The following SCTR variants were observed in gnomAD, a reference collection of about 807,000 sequenced individuals.
SCTR encodes the protein pancreatic secretin receptor.
A neutral mutation model predicts 60.8 loss-of-function variants in SCTR; 56 were observed. That is an observed-to-expected ratio of 0.92 (90% confidence interval 0.74 to 1.15). The LOEUF is 1.15. Among genes scored for constraint, SCTR ranks in the 50% most tolerant of loss-of-function variants. The pLI, the probability that SCTR is intolerant of heterozygous loss-of-function variation, is 0.00. For synonymous variants in SCTR, 202 were observed against 217.0 expected (o/e 0.93, Z 0.61); for missense variants, 562 against 550.4 (o/e 1.02, Z -0.21).
At chr2:119,506,828 T>C (rs1678755524) in intron 1 of SCTR, among the ~76,000 whole-genome samples, 1 of 152,116 alleles carries the variant, frequency 6.6e-6, no homozygotes. Context: ...GAGATGCGTG[T>C]TGTCAGGAGT....
chr2:119,521,019 A>T (rs1451271246), intron 1 of SCTR, among the ~76,000 whole-genome samples: 1 of 152,198 alleles, frequency 6.6e-6, no homozygotes, highest in East Asian at 1.9e-4. Flanking sequence ...ATGGGCTTCT[A>T]GAGGGCAGAG....
At position 119,439,859 on chromosome 2, in the gene SCTR, G is replaced by A; in HGVS notation, c.*258C>T. ...AAATATAGATTGAATCTCATCCCAG[G>A]CACCATTTATTTCCCTGTCCCTTTC... On this transcript the variant is annotated 3_prime_UTR_variant, in exon 13 of 13. Transcript: ENST00000019103. 1 of 466,370 alleles carries A rather than the reference G, an allele frequency of 2.1e-6. No homozygotes were observed. Among genetic ancestry groups the A allele is most frequent in the Admixed American group, 3.7e-5 (1 of 27,182 alleles). 28.9% of individuals were successfully genotyped at this position (466,370 alleles called of 1,614,324 possible).
At chr2:119,498,231 A>G (rs1678420647) in intron 1 of SCTR, among the ~76,000 whole-genome samples, 1 of 152,208 alleles carries the variant, frequency 6.6e-6, no homozygotes, top group Non-Finnish European at 1.5e-5. Context: ...TAAAGTGCTG[A>G]AAGAAAAGTA....
chr2:119,516,746 G>T (rs1312711898), intron 1 of SCTR, among the ~76,000 whole-genome samples: 1 of 152,120 alleles, frequency 6.6e-6, no homozygotes, highest in Non-Finnish European at 1.5e-5. Flanking sequence ...GATCACCTGA[G>T]GTCGGAAGTT....
intron 6 of SCTR, among the ~76,000 whole-genome samples, chr2:119,462,776 G>A (rs1683667420): frequency 6.6e-6 from 1 of 152,240 alleles, no homozygotes; most frequent in Non-Finnish European, 1.5e-5. Flanking sequence ...CCGAGAAGGA[G>A]GAGCGCCCGG....
rs939109374 is a variant in SCTR, at chr2:119,452,104, G to T, written c.852-25C>A. 1.9e-5 allele frequency: 28 copies of T among 1,495,404 alleles called. 1 individual carries two copies. Among genetic ancestry groups the T allele is most frequent in the Non-Finnish European group, 2.5e-5 (27 of 1,078,462 alleles). The allele number at this position is 1,495,404 out of a possible 1,614,324, so 92.6% of individuals were successfully genotyped here. On this transcript the variant is annotated intron_variant, in intron 8 of 12. Transcript: ENST00000019103. The stretch of plus-strand genomic sequence containing the variant: ...CCTAAGGGAGGGACAGCTGGGCATG[G>T]TTATGAGCAGGAGCTGTGGGAGCTG...
At chr2:119,518,625 T>A (rs547345673) in intron 1 of SCTR, among the ~76,000 whole-genome samples, 1 of 152,162 alleles carries the variant, frequency 6.6e-6, no homozygotes, top group Non-Finnish European at 1.5e-5. Context: ...CTGTTTGTAA[T>A]GTAAGCAAGT....
chr2:119,521,401 G>A (rs185837555), intron 1 of SCTR, among the ~76,000 whole-genome samples: 2 of 152,322 alleles, frequency 1.3e-5, no homozygotes, highest in African/African-American at 4.8e-5. Flanking sequence ...CTCTAGGGAT[G>A]AAAGATGAAC....
chr2:119,461,518 T>G (rs932668400), intron 7 of SCTR, among the ~76,000 whole-genome samples: 2 of 151,964 alleles, frequency 1.3e-5, no homozygotes, highest in African/African-American at 4.8e-5. Flanking sequence ...TCAAAACTAG[T>G]CTGACCAACA....
At chr2:119,444,918 C>T (rs58122771) in intron 11 of SCTR, among the ~76,000 whole-genome samples, 1 of 2,106 alleles carries the variant, frequency 4.7e-4, no homozygotes, top group Non-Finnish European at 7.8e-4. Context: ...TATATTCGTA[C>T]GAATATACAC....
intron 1 of SCTR, among the ~76,000 whole-genome samples, chr2:119,495,784 C>T (rs1678323388): frequency 6.6e-6 from 1 of 152,164 alleles, no homozygotes; most frequent in African/African-American, 2.4e-5. Flanking sequence ...TTTATGTTCC[C>T]CATGAAAAAC....
chr2:119,452,126 G>A, intron 8 of SCTR, 47 bp from the exon 9 acceptor site: 1 of 1,213,852 alleles, frequency 8.2e-7, no homozygotes, highest in South Asian at 1.3e-5. Flanking sequence ...AGCTGTGGGA[G>A]CTGGGCTAAC....
chr2:119,503,654 A>G (rs1375548112), intron 1 of SCTR, among the ~76,000 whole-genome samples: 1 of 152,126 alleles, frequency 6.6e-6, no homozygotes, highest in Non-Finnish European at 1.5e-5. Context: ...GCTAAGTTGG[A>G]ATGGAAGAAT....
chr2:119,473,623 T>C, intron 3 of SCTR, 67 bp from the exon 4 acceptor site: 1 of 972,286 alleles, frequency 1.0e-6, no homozygotes, highest in Non-Finnish European at 1.7e-6. Flanking sequence ...TAGTAACATC[T>C]ATTGTAACAT....
chr2:119,485,571 G>C (rs1232882302), intron 2 of SCTR, among the ~76,000 whole-genome samples: 1 of 152,220 alleles, frequency 6.6e-6, no homozygotes, highest in Non-Finnish European at 1.5e-5. Flanking sequence ...AATGTGTCAG[G>C]CTGCAGTGGC....
At chr2:119,440,385 A>G in intron 12 of SCTR, 128 bp from the exon 13 acceptor site, 1 of 1,037,904 alleles carries the variant, frequency 9.6e-7, no homozygotes, top group Non-Finnish European at 1.4e-6. Flanking sequence ...CCTAGCCTGC[A>G]GGCCACGCAG....
At chr2:119,516,045 G>A (rs570248961) in intron 1 of SCTR, among the ~76,000 whole-genome samples, 3 of 152,288 alleles carry the variant, frequency 2.0e-5, no homozygotes, top group Admixed American at 1.3e-4. Flanking sequence ...ACCTGTTAGG[G>A]GGGCTAATGT....
chr2:119,440,887 A>G (rs773663127), intron 12 of SCTR, among the ~76,000 whole-genome samples: 19 of 152,162 alleles, frequency 1.2e-4, no homozygotes, highest in Non-Finnish European at 2.2e-4. Flanking sequence ...TTGATATTTG[A>G]TTTTTGGGAA....
At chr2:119,481,914 G>A (rs1313833274) in intron 2 of SCTR, among the ~76,000 whole-genome samples, 1 of 152,188 alleles carries the variant, frequency 6.6e-6, no homozygotes, top group Non-Finnish European at 1.5e-5. Context: ...CTCTGGTGCT[G>A]TGCTGATGGG....
Sources: gnomAD v4.1 joint callset for allele counts (sites outside exome capture counted in the v4.1 genomes callset) on GRCh38, gnomAD v4.1.1 for gene constraint, MANE v1.5 for transcripts, NCBI Gene and HGNC (gene_info 2026-07-23, HGNC 2026-07-21) for gene names.